Variants in ABCC11 observed in about 807,000 individuals in gnomAD.
ABCC11 encodes ATP binding cassette subfamily C member 11.
In ABCC11, 135 loss-of-function variants were observed where a neutral mutation model predicts 149.3. The observed-to-expected ratio is 0.90, with a 90% CI of 0.79 to 1.04. The LOEUF (loss-of-function observed/expected upper bound fraction) is 1.04. Among genes scored for constraint, ABCC11 ranks in the 50% least tolerant of loss-of-function variants. The pLI, the probability that ABCC11 is intolerant of heterozygous loss-of-function variation, is 0.00. For missense variants in ABCC11, 1,680 were observed against 1,722.1 expected, an observed-to-expected ratio of 0.98 and a Z score of 0.43; for synonymous variants, 665 against 671.4, an observed-to-expected ratio of 0.99 and a Z score of 0.15.
intron 23 of ABCC11, among the ~76,000 whole-genome samples, chr16:48,182,598 T>C (rs1439099323): frequency 2.0e-5 from 3 of 151,892 alleles, no homozygotes; most frequent in Admixed American, 1.3e-4. Context: ...GCTAACACAG[T>C]GAAATCCCAT....
chr16:48,228,212 G>T (rs548867145), intron 3 of ABCC11, among the ~76,000 whole-genome samples: 52 of 141,802 alleles, frequency 3.7e-4, no homozygotes, highest in East Asian at 6.2e-4. Context: ...GATGTTTGGG[G>T]TTTTTTTTTT....
intron 13 of ABCC11, among the ~76,000 whole-genome samples, chr16:48,204,729 CAA>C (rs1968284880): frequency 6.6e-6 from 1 of 152,164 alleles, no homozygotes; most frequent in South Asian, 2.1e-4. Flanking sequence ...CAAAACCAAG[CAA>C]ACAGTCACAG....
At chr16:48,230,303 C>T in intron 3 of ABCC11, 134 bp downstream of exon 3, 1 of 1,112,786 alleles carries the variant, frequency 9.0e-7, no homozygotes, top group Non-Finnish European at 1.2e-6. Flanking sequence ...CCTGGTGTGC[C>T]TCAGGCTGCT....
intron 12 of ABCC11, among the ~76,000 whole-genome samples, chr16:48,206,866 G>A (rs548954108): frequency 3.9e-5 from 6 of 152,314 alleles, no homozygotes; most frequent in East Asian, 1.9e-4. Flanking sequence ...CCTTTGTCAT[G>A]GGAGGTTACC....
At chr16:48,179,704 C>A (rs1279977988) in intron 23 of ABCC11, among the ~76,000 whole-genome samples, 3 of 152,180 alleles carry the variant, frequency 2.0e-5, no homozygotes, top group African/African-American at 7.2e-5. Flanking sequence ...CCCTGGAGTG[C>A]CACTGGGATG....
At position 48,207,846 on chromosome 16, in the gene ABCC11, C is replaced by G. The variant is rs893938267; in HGVS notation, c.1680+579G>C. On this transcript the variant is annotated intron_variant, in intron 12 of 29. Coordinates refer to ENST00000356608, the MANE Select transcript of ABCC11 (RefSeq NM_001370497.1). ...AAATCTCAAGGGCAAGGGCACCCAG[C>G]AGGCATAGGTACCCCACTGCCAGAG... is the stretch of plus-strand genomic sequence containing the variant. 4.8e-5 allele frequency among the ~76,000 whole-genome samples: 7 copies of G among 145,542 alleles called. No homozygotes were observed. The Admixed American group carries it at 4.9e-4, about 10-fold the overall frequency.
At chr16:48,220,638 G>T (rs1314879358) in intron 6 of ABCC11, among the ~76,000 whole-genome samples, 1 of 152,106 alleles carries the variant, frequency 6.6e-6, no homozygotes, top group Non-Finnish European at 1.5e-5. Context: ...CTATGAGGTT[G>T]GTTCTATTAT....
chr16:48,187,492 G>C, intron 20 of ABCC11, 65 bp from the exon 21 acceptor site: 1 of 1,386,338 alleles, frequency 7.2e-7, no homozygotes, highest in Non-Finnish European at 1.0e-6. Context: ...ATTGGATGAA[G>C]ATGCCTGTTA....
At chr16:48,231,759 T>C in intron 2 of ABCC11, 64 bp downstream of exon 2, 1 of 1,578,586 alleles carries the variant, frequency 6.3e-7, no homozygotes, top group Non-Finnish European at 8.6e-7. Context: ...ACGTAATTTA[T>C]GACCGTGGAG....
intron 12 of ABCC11, among the ~76,000 whole-genome samples, chr16:48,206,074 T>G (rs1417915950): frequency 2.0e-5 from 3 of 152,212 alleles, no homozygotes. Flanking sequence ...CCTCCCAAAG[T>G]GCTGGGATTA....
In ABCC11 at chr16:48,247,491, T is replaced by C. The variant is rs112392881; in HGVS notation, c.-196A>G. 0.047 allele frequency: 7,144 copies of C among 152,416 alleles called. 233 individuals carry two copies. Among genetic ancestry groups the C allele is most frequent in the Middle Eastern group, 0.14 (41 of 292 alleles). 9.4% of individuals were successfully genotyped at this position (152,416 alleles called of 1,614,324 possible). On this transcript the variant is annotated 5_prime_UTR_variant, in exon 1 of 30. Transcript: ENST00000356608. ...TTAGATGTTGACTTACCTCTGCCAC[T>C]TCCTTGGTGGTTTTGAGTAGTACAG... is the stretch of plus-strand genomic sequence containing the variant.
rs1189965625 is a variant in ABCC11, at chr16:48,211,209, C to A, written c.1357-10G>T. ...CCTGGAGGAAAAACTTCTGTAAAGA[C>A]AGAAAAAAATAGAGGGAGGAGGAAT... On this transcript the variant is annotated splice_polypyrimidine_tract_variant and intron_variant, in intron 10 of 29. Coordinates refer to ENST00000356608, the MANE Select transcript of ABCC11 (RefSeq NM_001370497.1). 7 of 1,607,490 alleles carry A rather than the reference C, an allele frequency of 4.4e-6. No homozygotes were observed. Among genetic ancestry groups the A allele is most frequent in the East Asian group, 2.2e-5 (1 of 44,854 alleles).
At chr16:48,245,587 C>A (rs1971325557) in intron 1 of ABCC11, among the ~76,000 whole-genome samples, 1 of 152,120 alleles carries the variant, frequency 6.6e-6, no homozygotes, top group African/African-American at 2.4e-5. Context: ...CATTGAAAGT[C>A]CTATGTTTTA....
chr16:48,170,821 C>T, intron 27 of ABCC11, 68 bp downstream of exon 27: 5 of 1,416,540 alleles, frequency 3.5e-6, no homozygotes, highest in Non-Finnish European at 5.0e-6. Context: ...ATGAGAGGAG[C>T]CCCAAAGGGG....
In ABCC11 at chr16:48,222,730, C is replaced by T. The variant is rs776382698; in HGVS notation, c.645G>A (p.Val215=). ...AACTGGAGGAGAAACTCAGAGACTT[C>T]ACACATTCGGAGAGAAAAAGGGCAA... ...LCFALFLSEC[V]KSLSFSSSWI... Residue 215 remains valine (V), a synonymous_variant, in exon 6 of 30, where the codon GTG becomes GTA. Coordinates refer to ENST00000356608, the MANE Select transcript of ABCC11 (RefSeq NM_001370497.1). 1 of 1,614,230 alleles carries T rather than the reference C, an allele frequency of 6.2e-7. No individual in the cohort carries two copies. The highest frequency in any genetic ancestry group is 8.5e-7 in the Non-Finnish European group (1 of 1,180,044).
chr16:48,188,478 A>G (rs1418297995), intron 20 of ABCC11, among the ~76,000 whole-genome samples: 1 of 152,218 alleles, frequency 6.6e-6, no homozygotes, highest in Non-Finnish European at 1.5e-5. Context: ...GGACCCTTGG[A>G]TCAAATTTAG....
intron 14 of ABCC11, among the ~76,000 whole-genome samples, chr16:48,202,845 G>T (rs2150829014): frequency 6.6e-6 from 1 of 152,308 alleles, no homozygotes; most frequent in Non-Finnish European, 1.5e-5. Context: ...AGATGTAAAA[G>T]ATTGGAATTA....
At chr16:48,211,323 G>T in intron 10 of ABCC11, 124 bp from the exon 11 acceptor site, 1 of 1,202,136 alleles carries the variant, frequency 8.3e-7, no homozygotes, top group Non-Finnish European at 1.2e-6. Flanking sequence ...AGCAGTAAAA[G>T]TTTGCAGAAG....
rs1167778354 is a variant in ABCC11 at position 48,216,226 on chromosome 16, A to G, written c.839T>C (p.Leu280Pro). 1.2e-6 allele frequency: 2 copies of G among 1,614,166 alleles called. No homozygotes were observed. Among genetic ancestry groups the G allele is most frequent in the Non-Finnish European group, 1.7e-6 (2 of 1,179,998 alleles). The change falls in exon 7 of 30, where the codon CTA (leucine) becomes CCA (proline). Residue 280 changes from leucine (L) to proline (P), a missense_variant. By Grantham distance (98) the Leu-to-Pro change is moderately conservative. Transcript: ENST00000356608. ...YLFEGVCYGP[L>P]VLITCASLVI... is the part of the protein sequence containing the mutation. ...CAGCGATGCGCAGGTGATCAGTACT[A>G]GGGGTCCATAGCACACCCCTTCAAA...
Sources: allele counts gnomAD v4.1 joint callset (sites outside exome capture counted in the v4.1 genomes callset), GRCh38; gene constraint gnomAD v4.1.1; transcripts MANE v1.5; gene names NCBI Gene and HGNC (gene_info 2026-07-23, HGNC 2026-07-21).